The following PLEKHA5 variants were observed in gnomAD, a reference collection of about 807,000 sequenced individuals.
The protein encoded by PLEKHA5 is pleckstrin homology domain containing A5, also known as pleckstrin homology domain-containing family A member 5.
PLEKHA5 carries 55 observed loss-of-function variants against 181.9 expected under a neutral mutation model. The observed-to-expected ratio is 0.30, with a 90% confidence interval of 0.24 to 0.38. The LOEUF is 0.38. Ranked by LOEUF, PLEKHA5 falls within the 10% of genes least tolerant of loss-of-function variation. The pLI, the probability that PLEKHA5 is intolerant of heterozygous loss-of-function variation, is 1.00. For synonymous variants in PLEKHA5, 535 were observed against 529.4 expected (o/e 1.01, Z -0.15); for missense variants, 1,432 against 1,549.5 (o/e 0.92, Z 1.27).
At chr12:19,338,751 A>T (rs968240087) in intron 21 of PLEKHA5, among the ~76,000 whole-genome samples, 1 of 151,398 alleles carries the variant, frequency 6.6e-6, no homozygotes, top group Non-Finnish European at 1.5e-5. Flanking sequence ...ATAATCAGCT[A>T]CAGGCACCTG....
intron 3 of PLEKHA5, among the ~76,000 whole-genome samples, chr12:19,172,881 G>A (rs901250348): frequency 1.3e-5 from 2 of 151,146 alleles, no homozygotes; most frequent in Non-Finnish European, 2.9e-5. Context: ...CTGTGCTTTT[G>A]GGGTGTTAAA....
At chr12:19,201,231 A>G (rs1592044192) in intron 3 of PLEKHA5, 1 of 152,136 alleles carries the variant, frequency 6.6e-6, no homozygotes, top group South Asian at 2.1e-4. Context: ...TCAAATAGCC[A>G]GTGAGCACAT....
chr12:19,296,429 T>C (rs1413345557), intron 15 of PLEKHA5, among the ~76,000 whole-genome samples: 3 of 151,746 alleles, frequency 2.0e-5, no homozygotes, highest in Non-Finnish European at 4.4e-5. Context: ...GTGCCTGTAA[T>C]GCCAGCTACT....
chr12:19,362,177 A>C (rs1018335435), intron 29 of PLEKHA5, among the ~76,000 whole-genome samples: 3,391 of 147,502 alleles, frequency 0.023, 107 homozygotes, highest in East Asian at 0.055. Flanking sequence ...CAAAAAAAAA[A>C]AAAAAAAAAA....
intron 21 of PLEKHA5, among the ~76,000 whole-genome samples, chr12:19,341,732 T>C (rs549132230): frequency 1.3e-5 from 2 of 150,768 alleles, no homozygotes; most frequent in South Asian, 4.2e-4. Context: ...TGAAAACATA[T>C]TGCTTTTTTT....
intron 3 of PLEKHA5, among the ~76,000 whole-genome samples, chr12:19,164,556 T>C (rs558872558): frequency 6.6e-6 from 1 of 152,286 alleles, no homozygotes; most frequent in African/African-American, 2.4e-5. Flanking sequence ...GCTATGATGT[T>C]AATCTTTCTT....
chr12:19,134,869 G>C (rs746939435), intron 3 of PLEKHA5, among the ~76,000 whole-genome samples: 2 of 152,144 alleles, frequency 1.3e-5, no homozygotes, highest in East Asian at 1.9e-4. Flanking sequence ...TGGAGGAAAA[G>C]ATAGGAGTCT....
intron 3 of PLEKHA5, among the ~76,000 whole-genome samples, chr12:19,252,894 T>G (rs373829721): frequency 6.6e-6 from 1 of 151,992 alleles, no homozygotes; most frequent in African/African-American, 2.4e-5. Context: ...TTCTTTCCAT[T>G]TATGAATTTG....
intron 3 of PLEKHA5, among the ~76,000 whole-genome samples, chr12:19,228,357 C>T (rs1319850345): frequency 6.6e-6 from 1 of 152,202 alleles, no homozygotes; most frequent in African/African-American, 2.4e-5. Context: ...ATATTTGCAT[C>T]ATGACTTCCT....
chr12:19,289,166 T>TA (rs1480606849), intron 13 of PLEKHA5, among the ~76,000 whole-genome samples: 2 of 152,198 alleles, frequency 1.3e-5, no homozygotes, highest in African/African-American at 4.8e-5. Flanking sequence ...CTTTTTCTCT[T>TA]ACATGGTTTA....
intron 16 of PLEKHA5, among the ~76,000 whole-genome samples, chr12:19,317,898 C>T (rs571330763): frequency 3.1e-5 from 4 of 130,126 alleles, no homozygotes; most frequent in East Asian, 2.2e-4. Context: ...TAAGGTACTT[C>T]GAATGAAGTA....
At chr12:19,355,317 GTAC>G (rs2094861616) in intron 26 of PLEKHA5, among the ~76,000 whole-genome samples, 1 of 147,442 alleles carries the variant, frequency 6.8e-6, no homozygotes. Flanking sequence ...GACAAGAAAG[GTAC>G]TACATATAAG....
intron 3 of PLEKHA5, among the ~76,000 whole-genome samples, chr12:19,181,975 A>C (rs530234075): frequency 6.6e-6 from 1 of 152,202 alleles, no homozygotes; most frequent in African/African-American, 2.4e-5. Context: ...TTACTGCTAC[A>C]TAGTCCTTGC....
At chr12:19,327,506 G>C (rs1477396770) in intron 20 of PLEKHA5, among the ~76,000 whole-genome samples, 1 of 151,714 alleles carries the variant, frequency 6.6e-6, no homozygotes, top group Non-Finnish European at 1.5e-5. Flanking sequence ...ACCTTTGTCG[G>C]ATGGGTAGTT....
At chr12:19,254,065 G>A in intron 4 of PLEKHA5, 42 bp downstream of exon 4, 1 of 1,184,106 alleles carries the variant, frequency 8.4e-7, no homozygotes, top group Non-Finnish European at 1.2e-6. Context: ...TCAAAATTGG[G>A]TTAGCATTGA....
intron 20 of PLEKHA5, among the ~76,000 whole-genome samples, chr12:19,324,381 CTT>C (rs940237081): frequency 6.6e-6 from 1 of 152,056 alleles, no homozygotes; most frequent in Non-Finnish European, 1.5e-5. Flanking sequence ...TGTTTGTAGA[CTT>C]TTTTGAAATT....
intron 11 of PLEKHA5, among the ~76,000 whole-genome samples, chr12:19,281,614 A>C (rs563936345): frequency 1.2e-3 from 176 of 152,146 alleles, no homozygotes; most frequent in African/African-American, 4.2e-3. Flanking sequence ...CACAAATGCT[A>C]ACTTTACGTA....
chr12:19,279,069 T>G (rs1005463623), intron 11 of PLEKHA5, among the ~76,000 whole-genome samples: 1 of 152,140 alleles, frequency 6.6e-6, no homozygotes, highest in African/African-American at 2.4e-5. Context: ...GAAAAGAGGA[T>G]CCCAGTTTCA....
At chr12:19,244,366 G>A (rs1216618444) in intron 3 of PLEKHA5, among the ~76,000 whole-genome samples, 4 of 152,186 alleles carry the variant, frequency 2.6e-5, no homozygotes, top group African/African-American at 4.8e-5. Context: ...CAAGTTAAAA[G>A]CACACATCTG....
Sources: allele counts gnomAD v4.1 joint callset (sites outside exome capture counted in the v4.1 genomes callset), GRCh38; gene constraint gnomAD v4.1.1; transcripts MANE v1.5; gene names NCBI Gene and HGNC (gene_info 2026-07-23, HGNC 2026-07-21).